Variants in TOX observed in about 807,000 individuals in gnomAD.
The protein encoded by TOX is thymocyte selection-associated high mobility group box protein TOX.
TOX carries 11 observed loss-of-function variants against 53.7 expected under a neutral mutation model. The observed-to-expected ratio is 0.20, with a 90% CI of 0.13 to 0.34. TOX has a LOEUF of 0.34. Ranked by LOEUF, TOX falls within the 10% of genes least tolerant of loss-of-function variation. TOX has a pLI of 1.00. For missense variants in TOX, 570 were observed against 664.6 expected, an observed-to-expected ratio of 0.86 and a Z score of 1.56; for synonymous variants, 225 against 245.3, an observed-to-expected ratio of 0.92 and a Z score of 0.77.
intron 1 of TOX, among the ~76,000 whole-genome samples, chr8:59,093,453 A>G (rs1804660350): frequency 6.6e-6 from 1 of 152,228 alleles, no homozygotes; most frequent in African/African-American, 2.4e-5. Context: ...TATGTGTTTT[A>G]TCTGACATGG....
intron 1 of TOX, among the ~76,000 whole-genome samples, chr8:59,097,442 C>A (rs1015195311): frequency 3.3e-5 from 5 of 152,214 alleles, no homozygotes; most frequent in African/African-American, 1.2e-4. Flanking sequence ...CAATTTTTAT[C>A]ATTTAATCCT....
rs1811621355 is a variant in TOX at position 58,895,141 on chromosome 8, T to C, written c.412-43336A>G. 6.6e-5 allele frequency among the ~76,000 whole-genome samples: 10 copies of C among 151,966 alleles called. 1 individual carries two copies. The highest frequency in any genetic ancestry group is 6.6e-4 in the Admixed American group (10 of 15,256). On this transcript the variant is annotated intron_variant, in intron 3 of 8. Coordinates refer to ENST00000361421, the MANE Select transcript of TOX (RefSeq NM_014729.3). ...AGGGGGAGGTTGCACTGAGTGGAGA[T>C]TGCACCACTGCACTCCAGCCTGGGG...
At chr8:58,944,220 A>G (rs1812489842) in intron 2 of TOX, among the ~76,000 whole-genome samples, 1 of 152,200 alleles carries the variant, frequency 6.6e-6, no homozygotes, top group Non-Finnish European at 1.5e-5. Flanking sequence ...GCAGGATCCC[A>G]GCGCCACTGA....
chr8:58,970,418 G>A (rs1812980855), intron 1 of TOX, among the ~76,000 whole-genome samples: 1 of 152,076 alleles, frequency 6.6e-6, no homozygotes, highest in African/African-American at 2.4e-5. Flanking sequence ...CTAATTAGAT[G>A]ATCATAGAAT....
chr8:58,856,099 T>C (rs1810910547), intron 3 of TOX, among the ~76,000 whole-genome samples: 1 of 152,178 alleles, frequency 6.6e-6, no homozygotes, highest in Admixed American at 6.6e-5. Flanking sequence ...AAATGAAATA[T>C]ACTTTTTTTA....
chr8:58,957,288 T>G (rs992227561), intron 2 of TOX, among the ~76,000 whole-genome samples: 2 of 152,306 alleles, frequency 1.3e-5, no homozygotes, highest in South Asian at 4.1e-4. Flanking sequence ...TTATAGCTAG[T>G]ATAGGAGAAA....
intron 1 of TOX, among the ~76,000 whole-genome samples, chr8:58,978,431 AC>A (rs1813144394): frequency 6.6e-6 from 1 of 152,172 alleles, no homozygotes; most frequent in African/African-American, 2.4e-5. Context: ...TCTGGGACCC[AC>A]CTTTGCAAGG....
At chr8:58,858,883 G>A (rs1810960335) in intron 3 of TOX, among the ~76,000 whole-genome samples, 1 of 152,148 alleles carries the variant, frequency 6.6e-6, no homozygotes, top group Non-Finnish European at 1.5e-5. Flanking sequence ...TTTTTCTTAG[G>A]AATAATGCAC....
At chr8:59,066,469 A>G (rs938544178) in intron 1 of TOX, among the ~76,000 whole-genome samples, 1 of 152,164 alleles carries the variant, frequency 6.6e-6, no homozygotes, top group Admixed American at 6.5e-5. Flanking sequence ...AAAAAAAAAA[A>G]TTCCAATAAC....
intron 1 of TOX, among the ~76,000 whole-genome samples, chr8:59,078,083 C>A (rs1294602826): frequency 6.6e-6 from 1 of 152,156 alleles, no homozygotes; most frequent in African/African-American, 2.4e-5. Flanking sequence ...TTAGTAATGT[C>A]ACCAAAAGTC....
At chr8:58,881,999 T>C (rs541118078) in intron 3 of TOX, among the ~76,000 whole-genome samples, 2 of 152,344 alleles carry the variant, frequency 1.3e-5, no homozygotes, top group Middle Eastern at 3.4e-3. Flanking sequence ...GCAGTTGCCT[T>C]TGCAGTAACT....
chr8:58,837,132 C>T (rs1810560099), intron 5 of TOX, among the ~76,000 whole-genome samples: 1 of 151,934 alleles, frequency 6.6e-6, no homozygotes, highest in Non-Finnish European at 1.5e-5. Context: ...TAAGTGTGGG[C>T]TTTTCTGTAT....
chr8:58,812,942 A>C (rs3109904), intron 7 of TOX, among the ~76,000 whole-genome samples: 41,165 of 152,096 alleles, frequency 0.27, 5,981 homozygotes, highest in South Asian at 0.4. Flanking sequence ...TATTTTGACT[A>C]CTTACCATGA....
chr8:59,024,042 A>G (rs941486025), intron 1 of TOX, among the ~76,000 whole-genome samples: 11 of 152,178 alleles, frequency 7.2e-5, no homozygotes, highest in Non-Finnish European at 1.5e-4. Context: ...ATATAAAGAA[A>G]AGAAAAAGAA....
intron 1 of TOX, among the ~76,000 whole-genome samples, chr8:59,053,764 A>G (rs1252343552): frequency 6.6e-6 from 1 of 152,202 alleles, no homozygotes; most frequent in African/African-American, 2.4e-5. Flanking sequence ...CAAATGTCGA[A>G]TCTATTTCCA....
At chr8:59,082,402 G>A (rs114729915) in intron 1 of TOX, among the ~76,000 whole-genome samples, 2 of 152,372 alleles carry the variant, frequency 1.3e-5, no homozygotes, top group Admixed American at 6.5e-5. Flanking sequence ...ATTGCACTGC[G>A]AAATTCACTT....
intron 3 of TOX, among the ~76,000 whole-genome samples, chr8:58,860,432 C>A (rs2129169060): frequency 6.6e-6 from 1 of 152,126 alleles, no homozygotes; most frequent in East Asian, 1.9e-4. Context: ...TGTAAGGAGA[C>A]AAATAGGAGA....
At chr8:58,944,458 C>T (rs761980225) in intron 2 of TOX, among the ~76,000 whole-genome samples, 7 of 152,126 alleles carry the variant, frequency 4.6e-5, no homozygotes, top group Admixed American at 2.0e-4. Flanking sequence ...TTATAAAGTG[C>T]TACATCTTTC....
intron 1 of TOX, among the ~76,000 whole-genome samples, chr8:59,084,287 T>C (rs1287357074): frequency 1.3e-5 from 2 of 152,114 alleles, no homozygotes; most frequent in East Asian, 1.9e-4. Flanking sequence ...AAGAAAAAGA[T>C]AACGATATAT....
Sources: gnomAD v4.1 joint callset for allele counts (sites outside exome capture counted in the v4.1 genomes callset) on GRCh38, gnomAD v4.1.1 for gene constraint, MANE v1.5 for transcripts, NCBI Gene and HGNC (gene_info 2026-07-23, HGNC 2026-07-21) for gene names.